MARCHF1: variants seen among roughly 807,000 people sequenced by gnomAD.
MARCHF1 encodes membrane associated ring-CH-type finger 1, also known as E3 ubiquitin-protein ligase MARCHF1.
In MARCHF1, 40 loss-of-function variants were observed where a neutral mutation model predicts 54.2. The ratio of observed to expected loss-of-function variants is 0.74; its 90% confidence interval spans 0.57 to 0.96. The LOEUF is 0.96. MARCHF1 is among the 40% of genes least tolerant of loss of function. The pLI is 0.00. For synonymous variants in MARCHF1, 236 were observed against 236.3 expected, an observed-to-expected ratio of 1.00 and a Z score of 0.01; for missense variants, 586 against 656.5, an observed-to-expected ratio of 0.89 and a Z score of 1.17.
intron 1 of MARCHF1, among the ~76,000 whole-genome samples, chr4:164,248,708 C>A (rs1229891431): frequency 6.6e-6 from 1 of 151,922 alleles, no homozygotes; most frequent in African/African-American, 2.4e-5. Flanking sequence ...ATGTTTAGCA[C>A]TGACCATGTA....
At chr4:164,286,293 T>C (rs756455577) in intron 1 of MARCHF1, among the ~76,000 whole-genome samples, 6 of 152,208 alleles carry the variant, frequency 3.9e-5, no homozygotes, top group Non-Finnish European at 5.9e-5. Context: ...TGTTTCCTGC[T>C]CTGTATGAGG....
At chr4:164,184,785 A>G (rs906357032) in intron 1 of MARCHF1, among the ~76,000 whole-genome samples, 2 of 152,180 alleles carry the variant, frequency 1.3e-5, no homozygotes, top group Non-Finnish European at 2.9e-5. Flanking sequence ...AGCTAGCCAT[A>G]ATGCCTAAAT....
chr4:164,027,901 A>C (rs1388850529), intron 2 of MARCHF1, among the ~76,000 whole-genome samples: 1 of 152,096 alleles, frequency 6.6e-6, no homozygotes, highest in Non-Finnish European at 1.5e-5. Flanking sequence ...AAAATAAATA[A>C]TCTCATAAAA....
intron 1 of MARCHF1, among the ~76,000 whole-genome samples, chr4:164,199,893 T>C (rs779441717): frequency 6.6e-6 from 1 of 152,180 alleles, no homozygotes; most frequent in Non-Finnish European, 1.5e-5. Context: ...TTTGCTCCCA[T>C]GGCACAGTAC....
chr4:164,148,289 C>G (rs897468024), intron 1 of MARCHF1, among the ~76,000 whole-genome samples: 3 of 152,072 alleles, frequency 2.0e-5, no homozygotes, highest in Admixed American at 6.6e-5. Context: ...TTCTTGAATA[C>G]AATTCCAAAA....
intron 1 of MARCHF1, among the ~76,000 whole-genome samples, chr4:164,122,513 C>G (rs985623306): frequency 3.1e-4 from 47 of 152,084 alleles, no homozygotes; most frequent in Non-Finnish European, 2.2e-4. Flanking sequence ...GGGAGGCCAG[C>G]CTTCCCGCAT....
intron 4 of MARCHF1, among the ~76,000 whole-genome samples, chr4:163,803,189 T>G (rs1453541469): frequency 6.6e-6 from 1 of 152,202 alleles, no homozygotes; most frequent in Non-Finnish European, 1.5e-5. Context: ...AATTGTTTTT[T>G]TGAGATAGAG....
intron 3 of MARCHF1, among the ~76,000 whole-genome samples, chr4:163,868,002 C>A (rs1042325908): frequency 1.3e-5 from 2 of 151,776 alleles, no homozygotes; most frequent in Admixed American, 1.3e-4. Flanking sequence ...CCCCAATTAT[C>A]TGAACTTGGT....
chr4:163,648,683 T>C (rs1217160421), intron 5 of MARCHF1, among the ~76,000 whole-genome samples: 1 of 147,264 alleles, frequency 6.8e-6, no homozygotes, highest in Non-Finnish European at 1.5e-5. Flanking sequence ...AGCTGAAAAT[T>C]ATCATGGAGA....
chr4:163,855,419 C>A (rs1339200712), intron 3 of MARCHF1, among the ~76,000 whole-genome samples: 1 of 152,112 alleles, frequency 6.6e-6, no homozygotes, highest in African/African-American at 2.4e-5. Flanking sequence ...AAATTGTGAT[C>A]TATTCAATAC....
intron 3 of MARCHF1, among the ~76,000 whole-genome samples, chr4:163,871,440 C>A (rs1750166583): frequency 6.6e-6 from 1 of 152,118 alleles, no homozygotes; most frequent in Non-Finnish European, 1.5e-5. Flanking sequence ...TTACCAATAT[C>A]AAAACTCTAC....
Position 164,272,659 on chromosome 4 carries a change from T to C in MARCHF1, c.-323+111211A>G, listed in dbSNP as rs1256104837. 2.0e-5 allele frequency among the ~76,000 whole-genome samples: 3 copies of C among 150,920 alleles called. 1 individual carries two copies. In the East Asian group the frequency reaches 5.8e-4, roughly 29 times the overall value. On this transcript the variant is annotated intron_variant, in intron 1 of 9. Coordinates refer to ENST00000514618, the MANE Select transcript of MARCHF1 (RefSeq NM_001394959.1). The stretch of plus-strand genomic sequence containing the variant: ...AGGGATAGAAGTAATTCTGAGTAGT[T>C]GAGGGGATTTCAATTGGAAAAAAAA...
intron 8 of MARCHF1, among the ~76,000 whole-genome samples, chr4:163,583,439 G>A (rs901384905): frequency 6.6e-6 from 1 of 151,974 alleles, no homozygotes; most frequent in African/African-American, 2.4e-5. Flanking sequence ...ATATATAAGT[G>A]CTATTAAAAA....
chr4:164,194,268 C>G (rs113586000), intron 1 of MARCHF1, among the ~76,000 whole-genome samples: 3 of 151,938 alleles, frequency 2.0e-5, no homozygotes, highest in Non-Finnish European at 2.9e-5. Context: ...CTGCCTATAG[C>G]GCCAACAAAG....
At chr4:163,542,726 T>G (rs1738760973) in intron 9 of MARCHF1, among the ~76,000 whole-genome samples, 1 of 152,180 alleles carries the variant, frequency 6.6e-6, no homozygotes, top group Non-Finnish European at 1.5e-5. Flanking sequence ...GTTTCATAGG[T>G]CTAGGGAAGC....
intron 1 of MARCHF1, among the ~76,000 whole-genome samples, chr4:164,199,665 C>CAGAG (rs1731387647): frequency 1.2e-5 from 1 of 84,008 alleles, no homozygotes; most frequent in Non-Finnish European, 2.7e-5. Flanking sequence ...CACACACACA[C>CAGAG]ACACACACAC....
intron 1 of MARCHF1, among the ~76,000 whole-genome samples, chr4:164,200,115 G>T (rs1731413670): frequency 2.0e-5 from 3 of 152,120 alleles, no homozygotes; most frequent in Admixed American, 2.0e-4. Flanking sequence ...CACCTTCTCT[G>T]CACTCCTATG....
chr4:163,718,153 C>G (rs185407925), intron 4 of MARCHF1, among the ~76,000 whole-genome samples: 1 of 152,226 alleles, frequency 6.6e-6, no homozygotes, highest in Non-Finnish European at 1.5e-5. Context: ...AAAATTAATT[C>G]AAGATGGATT....
intron 2 of MARCHF1, among the ~76,000 whole-genome samples, chr4:164,041,387 T>C (rs933007628): frequency 6.6e-6 from 1 of 152,170 alleles, no homozygotes; most frequent in Non-Finnish European, 1.5e-5. Context: ...ATCATTGTCC[T>C]ATCTCAAACA....
Sources: gnomAD v4.1 joint callset for allele counts (sites outside exome capture counted in the v4.1 genomes callset) on GRCh38, gnomAD v4.1.1 for gene constraint, MANE v1.5 for transcripts, NCBI Gene and HGNC (gene_info 2026-07-23, HGNC 2026-07-21) for gene names.